The following ROBO1 variants were observed in gnomAD, a reference collection of about 807,000 sequenced individuals.
The protein encoded by ROBO1 is roundabout homolog 1.
ROBO1 carries 149 observed loss-of-function variants against 195.9 expected under a neutral mutation model. The ratio of observed to expected loss-of-function variants is 0.76; its 90% confidence interval spans 0.67 to 0.87. The LOEUF is 0.87. Among genes scored for constraint, ROBO1 ranks in the 40% least tolerant of loss-of-function variants. The pLI is 0.00. For synonymous variants in ROBO1, 816 were observed against 733.2 expected (o/e 1.11, Z -1.82); for missense variants, 1,933 against 2,068.3 (o/e 0.93, Z 1.27).
rs78512927 is a variant in ROBO1, at chr3:79,586,759, C to T, written c.88+3065G>A. ...CATTTGCTTTTCATTGTCTTCCTTA[C>T]ATCCGTGGCAATAAAAGGTAGATGC... is the stretch of plus-strand genomic sequence containing the variant. On this transcript the variant is annotated intron_variant, in intron 2 of 30. Coordinates refer to ENST00000464233, the MANE Select transcript of ROBO1 (RefSeq NM_002941.4). Among the ~76,000 whole-genome samples, 623 of 151,836 alleles carry T rather than the reference C, an allele frequency of 4.1e-3. 17 individuals are homozygous for T. In the East Asian group the frequency reaches 0.073, roughly 18 times the overall value.
At chr3:78,704,971 C>A (rs1349355843) in intron 8 of ROBO1, among the ~76,000 whole-genome samples, 1 of 152,174 alleles carries the variant, frequency 6.6e-6, no homozygotes, top group African/African-American at 2.4e-5. Flanking sequence ...ATTACGCCTG[C>A]TGATCCATTT....
intron 1 of ROBO1, among the ~76,000 whole-genome samples, chr3:79,590,173 C>A (rs1943954371): frequency 6.6e-6 from 1 of 151,834 alleles, no homozygotes. Context: ...TTTGAAAACT[C>A]ATTTTCAAGT....
intron 1 of ROBO1, among the ~76,000 whole-genome samples, chr3:79,707,627 G>T (rs2107202439): frequency 6.6e-6 from 1 of 152,208 alleles, no homozygotes; most frequent in African/African-American, 2.4e-5. Context: ...TCCTGCCTCA[G>T]CCTCCCAGGT....
At chr3:79,085,345 A>T (rs2079348217) in intron 3 of ROBO1, among the ~76,000 whole-genome samples, 2 of 152,158 alleles carry the variant, frequency 1.3e-5, no homozygotes, top group African/African-American at 4.8e-5. Context: ...ATCCTAATCC[A>T]CAAAAATTTA....
At chr3:79,089,573 C>CA (rs1167823954) in intron 3 of ROBO1, among the ~76,000 whole-genome samples, 2 of 152,108 alleles carry the variant, frequency 1.3e-5, no homozygotes, top group Non-Finnish European at 2.9e-5. Flanking sequence ...TTTGCTGAAT[C>CA]AAAGAGAACA....
chr3:78,907,635 C>T (rs957493855), intron 4 of ROBO1, among the ~76,000 whole-genome samples: 2 of 152,042 alleles, frequency 1.3e-5, no homozygotes, highest in African/African-American at 2.4e-5. Context: ...AAATATTACA[C>T]TCATGAGTCA....
At chr3:79,676,685 G>A (rs927813211) in intron 1 of ROBO1, among the ~76,000 whole-genome samples, 1 of 151,950 alleles carries the variant, frequency 6.6e-6, no homozygotes, top group Non-Finnish European at 1.5e-5. Context: ...CAAGAAAGAG[G>A]CTTATATCAT....
At chr3:79,588,690 G>A (rs1283855180) in intron 2 of ROBO1, among the ~76,000 whole-genome samples, 2 of 151,660 alleles carry the variant, frequency 1.3e-5, no homozygotes, top group Non-Finnish European at 3.0e-5. Flanking sequence ...GTTGTGGCAA[G>A]AGAAGGGAAT....
chr3:78,895,308 G>A (rs2037163130), intron 4 of ROBO1, among the ~76,000 whole-genome samples: 3 of 151,840 alleles, frequency 2.0e-5, no homozygotes, highest in African/African-American at 7.3e-5. Context: ...GAAAAGAAAA[G>A]GGAAGAAAAG....
At chr3:79,458,992 A>C (rs2039709579) in intron 2 of ROBO1, among the ~76,000 whole-genome samples, 1 of 152,184 alleles carries the variant, frequency 6.6e-6, no homozygotes, top group Admixed American at 6.5e-5. Flanking sequence ...AATTTATACT[A>C]TCATGACCCT....
intron 1 of ROBO1, among the ~76,000 whole-genome samples, chr3:79,740,616 G>T (rs1422971674): frequency 1.3e-5 from 2 of 152,042 alleles, no homozygotes; most frequent in Non-Finnish European, 2.9e-5. Flanking sequence ...AAGACCATCA[G>T]ATCTCGTGAG....
chr3:79,689,428 C>A (rs13060585), intron 1 of ROBO1, among the ~76,000 whole-genome samples: 42,847 of 151,744 alleles, frequency 0.28, 7,541 homozygotes, highest in East Asian at 0.53. Context: ...CTGATTGTTT[C>A]TTCATCATTA....
At chr3:78,705,170 A>C (rs1272510747) in intron 8 of ROBO1, among the ~76,000 whole-genome samples, 1 of 152,214 alleles carries the variant, frequency 6.6e-6, no homozygotes, top group Non-Finnish European at 1.5e-5. Flanking sequence ...ATTATGTTAA[A>C]GTAAAACAAT....
intron 4 of ROBO1, among the ~76,000 whole-genome samples, chr3:78,929,521 G>T (rs982908520): frequency 1.6e-5 from 2 of 124,114 alleles, no homozygotes; most frequent in Admixed American, 8.2e-5. Context: ...TATTTATTTA[G>T]AGATGGAGTC....
chr3:78,745,835 A>G (rs569911316), intron 5 of ROBO1, among the ~76,000 whole-genome samples: 1 of 152,296 alleles, frequency 6.6e-6, no homozygotes, highest in East Asian at 1.9e-4. Flanking sequence ...TTCCAAGCTA[A>G]TCTACTAACC....
At chr3:79,358,364 T>C (rs752838787) in intron 2 of ROBO1, among the ~76,000 whole-genome samples, 1 of 152,052 alleles carries the variant, frequency 6.6e-6, no homozygotes, top group Non-Finnish European at 1.5e-5. Context: ...TAAGCAAAGG[T>C]CAGAGGAAAG....
At chr3:79,623,166 A>C (rs1945062772) in intron 1 of ROBO1, among the ~76,000 whole-genome samples, 1 of 144,216 alleles carries the variant, frequency 6.9e-6, no homozygotes, top group African/African-American at 2.7e-5. Flanking sequence ...ACAACAACAA[A>C]ACCTTCACAA....
chr3:78,781,744 C>T (rs2083684048), intron 4 of ROBO1, among the ~76,000 whole-genome samples: 2 of 152,020 alleles, frequency 1.3e-5, no homozygotes, highest in Non-Finnish European at 2.9e-5. Context: ...AGAAAACAAT[C>T]CATTGGTGTA....
intron 8 of ROBO1, among the ~76,000 whole-genome samples, chr3:78,696,515 G>A (rs755755326): frequency 1.9e-4 from 29 of 151,784 alleles, no homozygotes; most frequent in Admixed American, 2.0e-4. Context: ...TTTCCTGCTG[G>A]CTAATCAATT....
Sources: allele counts gnomAD v4.1 joint callset (sites outside exome capture counted in the v4.1 genomes callset), GRCh38; gene constraint gnomAD v4.1.1; transcripts MANE v1.5; gene names NCBI Gene and HGNC (gene_info 2026-07-23, HGNC 2026-07-21).